Variants in PDE3A observed in about 807,000 individuals in gnomAD.
PDE3A encodes the protein cGMP-inhibited 3',5'-cyclic phosphodiesterase 3A.
Under a neutral mutation model 98.3 loss-of-function variants are expected in PDE3A, and 43 were observed. The observed-to-expected ratio is 0.44, with a 90% CI of 0.34 to 0.56. The LOEUF is 0.56. Ranked by LOEUF, PDE3A falls within the 20% of genes least tolerant of loss-of-function variation. The pLI, the probability that PDE3A is intolerant of heterozygous loss-of-function variation, is 0.01. For synonymous variants in PDE3A, 663 were observed against 567.9 expected (o/e 1.17, Z -2.38); for missense variants, 1,427 against 1,440.7 (o/e 0.99, Z 0.15).
intron 1 of PDE3A, among the ~76,000 whole-genome samples, chr12:20,519,645 G>T (rs1946386748): frequency 1.3e-5 from 2 of 152,138 alleles, no homozygotes; most frequent in Non-Finnish European, 2.9e-5. Context: ...ATGAAGAAGG[G>T]AATGTAAAAA....
chr12:20,375,413 T>TAA (rs1943552439), intron 1 of PDE3A, among the ~76,000 whole-genome samples: 1 of 151,986 alleles, frequency 6.6e-6, no homozygotes, highest in African/African-American at 2.4e-5. Context: ...AATGTATGTT[T>TAA]GTGCTGTTAT....
intron 1 of PDE3A, among the ~76,000 whole-genome samples, chr12:20,502,256 C>T (rs950739926): frequency 2.0e-5 from 3 of 152,076 alleles, no homozygotes; most frequent in African/African-American, 7.2e-5. Flanking sequence ...CTACTGATCA[C>T]TTCCAACTTC....
At position 20,664,911 on chromosome 12, in the gene PDE3A, C is replaced by G. The variant is rs578187178; in HGVS notation, c.3184+10706C>G. On this transcript the variant is annotated intron_variant, in intron 15 of 15. Coordinates refer to ENST00000359062, the MANE Select transcript of PDE3A (RefSeq NM_000921.5). ...CAGTACATCTTACCAACATACTCAA[C>G]TGCTCAGGCCAGAAAACAGGGTTGT... 2.6e-5 allele frequency among the ~76,000 whole-genome samples: 4 copies of G among 152,302 alleles called. No individual in the cohort carries two copies. In the East Asian group the frequency reaches 7.7e-4, roughly 29 times the overall value.
chr12:20,423,587 G>A (rs1321405418), intron 1 of PDE3A, among the ~76,000 whole-genome samples: 3 of 152,274 alleles, frequency 2.0e-5, no homozygotes, highest in South Asian at 2.1e-4. Context: ...ATTAATTCTG[G>A]TTTAGAAATA....
chr12:20,662,136 C>A (rs1271319377), intron 15 of PDE3A, among the ~76,000 whole-genome samples: 2 of 152,004 alleles, frequency 1.3e-5, no homozygotes, highest in Admixed American at 1.3e-4. Flanking sequence ...CAATAAACTT[C>A]TTTCTTTTGT....
rs75851941 is a variant in PDE3A at position 20,400,379 on chromosome 12, GTTTTT to G, written c.960+30176_960+30180del. On this transcript the variant is annotated intron_variant, in intron 1 of 15. Coordinates refer to ENST00000359062, the MANE Select transcript of PDE3A (RefSeq NM_000921.5). ...AGCTCATGTTGACTCGTTAACATTG[GTTTTT>G]TTTTTTTTTTTTTTTTTTTTTTTTT... Among the ~76,000 whole-genome samples, 17 of 110,254 alleles carry G rather than the reference GTTTTT, an allele frequency of 1.5e-4. 1 individual carries two copies. Among genetic ancestry groups the G allele is most frequent in the South Asian group, 2.8e-4 (1 of 3,518 alleles). 72.3% of individuals were successfully genotyped at this position (110,254 alleles called of 152,430 possible).
At chr12:20,617,174 C>T (rs771963424) in intron 4 of PDE3A, among the ~76,000 whole-genome samples, 3 of 152,040 alleles carry the variant, frequency 2.0e-5, no homozygotes, top group African/African-American at 4.8e-5. Flanking sequence ...ACATCTATGT[C>T]GTATTATATG....
intron 2 of PDE3A, among the ~76,000 whole-genome samples, chr12:20,580,387 G>C (rs1040272721): frequency 2.0e-5 from 3 of 152,152 alleles, no homozygotes; most frequent in Non-Finnish European, 2.9e-5. Flanking sequence ...GTAGATGGAA[G>C]TTGAAGAGGA....
At chr12:20,502,734 A>G (rs1004977819) in intron 1 of PDE3A, among the ~76,000 whole-genome samples, 1 of 152,140 alleles carries the variant, frequency 6.6e-6, no homozygotes, top group African/African-American at 2.4e-5. Context: ...AAAGGAAACT[A>G]ATGGTTAACT....
At chr12:20,433,538 T>C (rs1944731790) in intron 1 of PDE3A, among the ~76,000 whole-genome samples, 1 of 152,146 alleles carries the variant, frequency 6.6e-6, no homozygotes, top group Non-Finnish European at 1.5e-5. Flanking sequence ...GATACTACTC[T>C]CTCAAGGAAG....
chr12:20,447,730 C>T (rs1944981095), intron 1 of PDE3A, among the ~76,000 whole-genome samples: 1 of 152,138 alleles, frequency 6.6e-6, no homozygotes, highest in African/African-American at 2.4e-5. Flanking sequence ...TGAAATGTTT[C>T]TCTGAATTCT....
At chr12:20,522,841 A>G (rs1946453575) in intron 1 of PDE3A, among the ~76,000 whole-genome samples, 2 of 152,144 alleles carry the variant, frequency 1.3e-5, no homozygotes, top group Non-Finnish European at 2.9e-5. Flanking sequence ...GGGGAAGAAT[A>G]ACACATTTTA....
At chr12:20,549,382 T>C (rs1008009381) in intron 1 of PDE3A, among the ~76,000 whole-genome samples, 2 of 150,178 alleles carry the variant, frequency 1.3e-5, no homozygotes, top group African/African-American at 4.9e-5. Flanking sequence ...ACCCCCATCA[T>C]TGCCTCTTTC....
At chr12:20,487,156 G>GTCTA (rs5796862) in intron 1 of PDE3A, among the ~76,000 whole-genome samples, 133,065 of 151,874 alleles carry the variant, frequency 0.88, 59,476 homozygotes, top group East Asian at 1. Flanking sequence ...CTGGCGTAGT[G>GTCTA]TCTGTGAGTG....
intron 1 of PDE3A, among the ~76,000 whole-genome samples, chr12:20,454,606 C>G (rs1945122203): frequency 6.6e-6 from 1 of 152,104 alleles, no homozygotes; most frequent in African/African-American, 2.4e-5. Context: ...ATTTATTTTT[C>G]CCGATCCTCT....
chr12:20,630,095 T>C lies in PDE3A; in HGVS notation c.1728T>C (p.Pro576=). The change falls in exon 6 of 16, where the codon CCT becomes CCC. Residue 576 remains proline (P), a synonymous_variant. Coordinates refer to ENST00000359062, the MANE Select transcript of PDE3A (RefSeq NM_000921.5). ...CTCAGAGTGCCCCAGACCTATCCCC[T>C]CAAATCCTGACTCCACCTGTTATAT... The part of the protein sequence containing the change: ...TYTQSAPDLS[P]QILTPPVICS... 6.2e-7 allele frequency: 1 copy of C among 1,613,342 alleles called. No homozygotes were observed. Among genetic ancestry groups the C allele is most frequent in the Non-Finnish European group, 8.5e-7 (1 of 1,179,348 alleles).
chr12:20,632,949 CTTTTTTTT>C (rs5796876), intron 6 of PDE3A, among the ~76,000 whole-genome samples: 3 of 102,112 alleles, frequency 2.9e-5, no homozygotes, highest in African/African-American at 1.2e-4. Context: ...AATAATGAGG[CTTTTTTTT>C]TTTTTTTTTT....
intron 2 of PDE3A, among the ~76,000 whole-genome samples, chr12:20,586,690 G>A (rs1228772678): frequency 1.3e-5 from 2 of 152,132 alleles, no homozygotes; most frequent in African/African-American, 4.8e-5. Context: ...GTTAATATTA[G>A]AATGTTTAAC....
In PDE3A at chr12:20,550,358, A is replaced by C. The variant is rs763468962; in HGVS notation, c.961-6302A>C. On this transcript the variant is annotated intron_variant, in intron 1 of 15. Transcript: ENST00000359062. ...AATTTATTGCCACTTTAAAGTTGCC[A>C]AAAATAATGAGCTCATCTTCCTATT... is the stretch of plus-strand genomic sequence containing the variant. Among the ~76,000 whole-genome samples the C allele has an allele frequency of 3.2e-4, 49 of 152,136 alleles. 1 individual carries two copies. Among genetic ancestry groups the C allele is most frequent in the Non-Finnish European group, 6.3e-4 (43 of 67,970 alleles).
Sources: allele counts gnomAD v4.1 joint callset (sites outside exome capture counted in the v4.1 genomes callset), GRCh38; gene constraint gnomAD v4.1.1; transcripts MANE v1.5; gene names NCBI Gene and HGNC (gene_info 2026-07-23, HGNC 2026-07-21).